Variants in FKBP8 observed in about 807,000 individuals in gnomAD.
FKBP8 encodes the protein FKBP prolyl isomerase 8, also known as peptidyl-prolyl cis-trans isomerase FKBP8.
A neutral mutation model predicts 41.7 loss-of-function variants in FKBP8; 5 were observed. That is an observed-to-expected ratio of 0.12 (90% CI 0.06 to 0.25). The LOEUF is 0.25. Among genes scored for constraint, FKBP8 ranks in the 10% least tolerant of loss-of-function variants. The pLI is 1.00. For synonymous variants in FKBP8, 279 were observed against 254.5 expected, an observed-to-expected ratio of 1.10 and a Z score of -0.92; for missense variants, 397 against 563.0, an observed-to-expected ratio of 0.71 and a Z score of 2.98.
chr19:18,541,994 C>CCCTTT lies in FKBP8; in HGVS notation c.-25_-24insAAAGG, dbSNP rs1976713571. On this transcript the variant is annotated splice_region_variant and 5_prime_UTR_variant, in exon 2 of 9. Transcript: ENST00000608443. ...ATGCTGCTGGGGGGACAGGAATTGGCCCTGGAAGTGGGGGGCAGAGATGTG... is the reference window on the plus strand; with the variant it reads ...ATGCTGCTGGGGGGACAGGAATTGGCCCTTTCCTGGAAGTGGGGGGCAGAGATGTG... The CCCTTT allele has an allele frequency of 6.2e-7, 1 of 1,606,488 alleles. No homozygotes were observed. Among genetic ancestry groups the CCCTTT allele is most frequent in the African/African-American group, 1.3e-5 (1 of 74,842 alleles).
At position 18,538,224 on chromosome 19, in the gene FKBP8, C is replaced by T; in HGVS notation, c.764G>A (p.Ser255Asn). ...YDLAIKAITSSAKVDMTFEEE... is the reference protein window; with the variant it reads ...YDLAIKAITSNAKVDMTFEEE... The stretch of plus-strand genomic sequence containing the variant: ...CTGACCCAGGCGGTCACCTTTGGCG[C>T]TGGAGGTGATAGCCTTGATGGCGAG... Residue 255 changes from serine to asparagine, a missense_variant, in exon 5 of 9, where the codon AGC (serine) becomes AAC (asparagine). Physicochemically the swap from Ser to Asn is conservative, Grantham distance 46. Coordinates refer to ENST00000608443, the MANE Select transcript of FKBP8 (RefSeq NM_012181.5). This position sits in a 1 kb window ranked among gnomAD's most constrained non-coding sequence, Gnocchi z 4.0. 2 of 1,606,212 alleles carry T rather than the reference C, an allele frequency of 1.2e-6. No individual in the cohort carries two copies. The highest frequency in any genetic ancestry group is 1.7e-6 in the Non-Finnish European group (2 of 1,174,324).
chr19:18,533,059 G>A, intron 7 of FKBP8: 1 of 684,260 alleles, frequency 1.5e-6, no homozygotes. Context: ...CAGGCTGGCA[G>A]TGCCCTCAGC....
chr19:18,534,976 G>T (rs1225819273), intron 6 of FKBP8, among the ~76,000 whole-genome samples: 1 of 151,898 alleles, frequency 6.6e-6, no homozygotes, highest in Non-Finnish European at 1.5e-5. Context: ...GTAGAGACAG[G>T]GTTTTACCAT....
At chr19:18,541,343 C>A (rs911187518) in intron 2 of FKBP8, among the ~76,000 whole-genome samples, 2 of 152,120 alleles carry the variant, frequency 1.3e-5, no homozygotes, top group African/African-American at 4.8e-5. Context: ...TTTTTCAGAG[C>A]CCAAGCATGT....
intron 6 of FKBP8, among the ~76,000 whole-genome samples, chr19:18,534,177 G>A (rs1329512533): frequency 3.3e-5 from 5 of 151,008 alleles, no homozygotes; most frequent in Admixed American, 2.0e-4. Flanking sequence ...CATGGTGGCG[G>A]GCGCCTGTAG....
chr19:18,536,687 T>G (rs1976586249), intron 6 of FKBP8, among the ~76,000 whole-genome samples: 1 of 152,148 alleles, frequency 6.6e-6, no homozygotes, highest in South Asian at 2.1e-4. Context: ...ACTGAGCACC[T>G]ACTATGTACC....
At chr19:18,536,776 A>G (rs1361853919) in intron 6 of FKBP8, among the ~76,000 whole-genome samples, 4 of 152,254 alleles carry the variant, frequency 2.6e-5, no homozygotes, top group Admixed American at 2.6e-4. Context: ...GTAGATGGAC[A>G]AGAGGCATGT....
rs1161270039 is a variant in FKBP8, at chr19:18,538,638, A to G, written c.552-202T>C. Among the ~76,000 whole-genome samples the G allele has an allele frequency of 6.6e-6, 1 of 151,926 alleles. No homozygotes were observed. Among genetic ancestry groups the G allele is most frequent in the East Asian group, 1.9e-4 (1 of 5,174 alleles). Reference sequence around the variant, plus strand: ...ACTTGACGAACGAGTTCCCCTCCCTAAGCCTCGGTTTTCCTCCTTTTTATT... The same window carrying G: ...ACTTGACGAACGAGTTCCCCTCCCTGAGCCTCGGTTTTCCTCCTTTTTATT... On this transcript the variant is annotated intron_variant, in intron 4 of 8. Coordinates refer to ENST00000608443, the MANE Select transcript of FKBP8 (RefSeq NM_012181.5). The surrounding 1 kb of genome is among the most constrained non-coding windows in gnomAD (Gnocchi z 4.0).
At chr19:18,540,168 C>T (rs1976667583) in intron 2 of FKBP8, among the ~76,000 whole-genome samples, 1 of 152,096 alleles carries the variant, frequency 6.6e-6, no homozygotes, top group Non-Finnish European at 1.5e-5. Context: ...GACAAACAGC[C>T]CTCAGGCTGA....
In FKBP8 at chr19:18,533,360, G is replaced by T. The variant is rs776492544; in HGVS notation, c.946-13C>A. The T allele has an allele frequency of 6.9e-6, 11 of 1,595,182 alleles. No homozygotes were observed. The African/African-American group carries it at 1.5e-4, about 21-fold the overall frequency. On this transcript the variant is annotated splice_polypyrimidine_tract_variant and intron_variant, in intron 6 of 8. Transcript: ENST00000608443. ...GCTGGGCCAGCACCTGTAAGGGGAA[G>T]GGGGTGGCATCACTCTGGACCCATA...
Position 18,537,971 on chromosome 19 carries a change from CAT to C in FKBP8, c.773-200_773-199del, listed in dbSNP as rs1976617894. 1.5e-6 allele frequency: 1 copy of C among 675,870 alleles called. No homozygotes were observed. Among genetic ancestry groups the C allele is most frequent in the African/African-American group, 1.8e-5 (1 of 55,168 alleles). The allele number at this position is 675,870 out of a possible 1,614,324, so 41.9% of individuals were successfully genotyped here. ...GCAAGCGAGGGCCTAGCCTGTGGTACATGTGAACTGGCCCTGTCTATGGTCAC... is the reference window on the plus strand; with the variant it reads ...GCAAGCGAGGGCCTAGCCTGTGGTACGTGAACTGGCCCTGTCTATGGTCAC... On this transcript the variant is annotated intron_variant, in intron 5 of 8. Coordinates refer to ENST00000608443, the MANE Select transcript of FKBP8 (RefSeq NM_012181.5). The surrounding 1 kb of genome is among the most constrained non-coding windows in gnomAD (Gnocchi z 4.4).
chr19:18,532,155 A>G lies in FKBP8; in HGVS notation c.*14T>C, dbSNP rs972119509. 62 of 1,580,868 alleles carry G rather than the reference A, an allele frequency of 3.9e-5. No individual in the cohort carries two copies. The highest frequency in any genetic ancestry group is 5.0e-5 in the Non-Finnish European group (58 of 1,164,248). Reference sequence around the variant, plus strand: ...GTCCATGGTGTGCAGAGGGGGTGGCAGCCACCTAGGTGGTCAGTTCCTGGC... The same window carrying G: ...GTCCATGGTGTGCAGAGGGGGTGGCGGCCACCTAGGTGGTCAGTTCCTGGC... On this transcript the variant is annotated 3_prime_UTR_variant, in exon 9 of 9. Coordinates refer to ENST00000608443, the MANE Select transcript of FKBP8 (RefSeq NM_012181.5).
In FKBP8 at chr19:18,538,112, A is replaced by C; in HGVS notation, c.772+104T>G. On this transcript the variant is annotated intron_variant, in intron 5 of 8. Transcript: ENST00000608443. The surrounding 1 kb of genome is among the most constrained non-coding windows in gnomAD (Gnocchi z 4.0). ...TGGGGATCTACCCATATTCTGGGCT[A>C]TTCTAGAATATTCTGAGTCTGAGGC... 14 of 1,210,064 alleles carry C rather than the reference A, an allele frequency of 1.2e-5. No individual in the cohort carries two copies. Among genetic ancestry groups the C allele is most frequent in the African/African-American group, 1.5e-5 (1 of 66,244 alleles). The allele number at this position is 1,210,064 out of a possible 1,614,324, so 75.0% of individuals were successfully genotyped here.
intron 6 of FKBP8, among the ~76,000 whole-genome samples, chr19:18,536,625 G>A (rs552841634): frequency 2.0e-5 from 3 of 152,304 alleles, no homozygotes; most frequent in South Asian, 2.1e-4. Context: ...GTAATCCCAA[G>A]TGCTGGGATT....
chr19:18,538,209 C>T lies in FKBP8; in HGVS notation c.772+7G>A, dbSNP rs200361307. Reference sequence around the variant, plus strand: ...GGAGATGGTGGAGATCTGACCCAGGCGGTCACCTTTGGCGCTGGAGGTGAT... The same window carrying T: ...GGAGATGGTGGAGATCTGACCCAGGTGGTCACCTTTGGCGCTGGAGGTGAT... On this transcript the variant is annotated splice_region_variant and intron_variant, in intron 5 of 8. Coordinates refer to ENST00000608443, the MANE Select transcript of FKBP8 (RefSeq NM_012181.5). This position sits in a 1 kb window ranked among gnomAD's most constrained non-coding sequence, Gnocchi z 4.0. 1.8e-5 allele frequency: 28 copies of T among 1,596,630 alleles called. No individual in the cohort carries two copies. The Admixed American group carries it at 2.9e-4, about 16-fold the overall frequency.
chr19:18,541,810 G>T lies in FKBP8; in HGVS notation c.161C>A (p.Pro54Gln). ...EEEDDLSELPPLEDMGQPPAE... is the reference protein window; with the variant it reads ...EEEDDLSELPQLEDMGQPPAE... ...CGGGGGTTGTCCCATGTCCTCCAGC[G>T]GTGGCAGCTCACTCAGGTCATCCTC... Residue 54 changes from proline to glutamine, a missense_variant, in exon 2 of 9, where the codon CCG (proline) becomes CAG (glutamine). By Grantham distance (76) the Pro-to-Gln change is moderately conservative. Around this residue, in one of 2 missense-constraint regions of FKBP8, gnomAD observed 172 missense variants for 196.2 expected, o/e 0.88. Coordinates refer to ENST00000608443, the MANE Select transcript of FKBP8 (RefSeq NM_012181.5). The T allele has an allele frequency of 1.2e-6, 2 of 1,613,686 alleles. No homozygotes were observed. Among genetic ancestry groups the T allele is most frequent in the Non-Finnish European group, 1.7e-6 (2 of 1,179,818 alleles).
At chr19:18,542,082 C>T in intron 1 of FKBP8, 87 bp from the exon 2 acceptor site, 1 of 1,483,064 alleles carries the variant, frequency 6.7e-7, no homozygotes, top group East Asian at 2.4e-5. Flanking sequence ...CTGCCGATCA[C>T]TTTCTGTGTA....
rs1461832010 is a variant in FKBP8 at position 18,532,125 on chromosome 19, G to A, written c.*44C>T. ...GCCTGGGGGAGTTGGGGAGCGCAGG[G>A]CAGGGTCCATGGTGTGCAGAGGGGG... On this transcript the variant is annotated 3_prime_UTR_variant, in exon 9 of 9. Transcript: ENST00000608443. 6 of 1,505,958 alleles carry A rather than the reference G, an allele frequency of 4.0e-6. No homozygotes were observed. The South Asian group carries it at 6.0e-5, about 15-fold the overall frequency. 93.3% of individuals were successfully genotyped at this position (1,505,958 alleles called of 1,614,324 possible). A position where few individuals can be genotyped will look rare whatever the true frequency, so the allele number is the denominator to read the frequency against.
rs995569762 is a variant in FKBP8 at position 18,538,660 on chromosome 19, T to A, written c.552-224A>T. On this transcript the variant is annotated intron_variant, in intron 4 of 8. Coordinates refer to ENST00000608443, the MANE Select transcript of FKBP8 (RefSeq NM_012181.5). This position sits in a 1 kb window ranked among gnomAD's most constrained non-coding sequence, Gnocchi z 4.0. ...CCTAAGCCTCGGTTTTCCTCCTTTT[T>A]ATTAAGAGACAGGTTCTCACTCTGT... Among the ~76,000 whole-genome samples, 7 of 152,046 alleles carry A rather than the reference T, an allele frequency of 4.6e-5. No individual in the cohort carries two copies. The highest frequency in any genetic ancestry group is 2.0e-4 in the Admixed American group (3 of 15,248).
Sources: allele counts gnomAD v4.1 joint callset (sites outside exome capture counted in the v4.1 genomes callset), GRCh38; gene constraint gnomAD v4.1.1; regional missense constraint gnomAD v4.1.1; non-coding constraint Gnocchi (gnomAD v3.1); transcripts MANE v1.5; gene names NCBI Gene and HGNC (gene_info 2026-07-23, HGNC 2026-07-21).